The following GRID1 variants were observed in gnomAD, a reference collection of about 807,000 sequenced individuals.
GRID1 encodes glutamate ionotropic receptor delta type subunit 1, also known as glutamate receptor ionotropic, delta-1.
A neutral mutation model predicts 98.0 loss-of-function variants in GRID1; 28 were observed. That is an observed-to-expected ratio of 0.29 (90% CI 0.21 to 0.39). GRID1 has a LOEUF of 0.39. Ranked by LOEUF, GRID1 falls within the 10% of genes least tolerant of loss-of-function variation. The pLI, the probability that GRID1 is intolerant of heterozygous loss-of-function variation, is 1.00. For synonymous variants in GRID1, 553 were observed against 538.5 expected (o/e 1.03, Z -0.37); for missense variants, 1,111 against 1,340.5 (o/e 0.83, Z 2.67).
chr10:85,970,166 T>A (rs1842388471), intron 4 of GRID1, among the ~76,000 whole-genome samples: 2 of 152,078 alleles, frequency 1.3e-5, no homozygotes, highest in African/African-American at 4.8e-5. Flanking sequence ...AGAAATTGAA[T>A]TGGTAATTTT....
chr10:85,762,184 C>A (rs563595220), intron 8 of GRID1, among the ~76,000 whole-genome samples: 1 of 152,322 alleles, frequency 6.6e-6, no homozygotes, highest in Admixed American at 6.5e-5. Flanking sequence ...CCTTTCCCCA[C>A]TGTCTCCTGG....
intron 12 of GRID1, among the ~76,000 whole-genome samples, chr10:85,717,945 T>TG (rs1841658465): frequency 8.1e-6 from 1 of 123,202 alleles, no homozygotes; most frequent in African/African-American, 3.3e-5. Context: ...AAAATGATCT[T>TG]TGACTCCAGG....
At chr10:85,659,555 G>A (rs1208184696) in intron 12 of GRID1, among the ~76,000 whole-genome samples, 1 of 152,216 alleles carries the variant, frequency 6.6e-6, no homozygotes, top group Non-Finnish European at 1.5e-5. Flanking sequence ...GGGACAGCTG[G>A]AGGGAAAATA....
At chr10:86,098,394 C>T (rs1467558786) in intron 4 of GRID1, among the ~76,000 whole-genome samples, 1 of 152,218 alleles carries the variant, frequency 6.6e-6, no homozygotes, top group African/African-American at 2.4e-5. Flanking sequence ...AAGCACTCAT[C>T]GGTCCCTGCA....
intron 12 of GRID1, among the ~76,000 whole-genome samples, chr10:85,681,529 C>T (rs1360288489): frequency 2.6e-5 from 4 of 152,172 alleles, no homozygotes; most frequent in Non-Finnish European, 5.9e-5. Flanking sequence ...CGACCCGAGG[C>T]TTCCCCAGAG....
intron 8 of GRID1, among the ~76,000 whole-genome samples, chr10:85,755,664 T>C (rs1290371632): frequency 6.6e-6 from 1 of 152,168 alleles, no homozygotes; most frequent in East Asian, 1.9e-4. Context: ...CACTCTCACT[T>C]CTCAGCCCTT....
chr10:85,908,635 C>T (rs1035669647), intron 5 of GRID1, among the ~76,000 whole-genome samples: 1 of 152,158 alleles, frequency 6.6e-6, no homozygotes, highest in Non-Finnish European at 1.5e-5. Context: ...AGATTCACTG[C>T]AATCCCAAAT....
At chr10:86,328,215 G>A (rs1359315444) in intron 2 of GRID1, among the ~76,000 whole-genome samples, 3 of 152,248 alleles carry the variant, frequency 2.0e-5, no homozygotes, top group Non-Finnish European at 4.4e-5. Flanking sequence ...ATTCTGTTAT[G>A]TGTGTAGGTT....
rs1014333223 is a variant in GRID1 at position 85,973,273 on chromosome 10, T to A, written c.727-57034A>T. Among the ~76,000 whole-genome samples the A allele has an allele frequency of 9.8e-5, 15 of 152,352 alleles. No homozygotes were observed. The South Asian group carries it at 1.0e-3, about 11-fold the overall frequency. ...GTCTTTATAAAGAAGTTTTTACTTT[T>A]TGTACATTGGATCTATTTACTTTTT... On this transcript the variant is annotated intron_variant, in intron 4 of 15. Coordinates refer to ENST00000327946, the MANE Select transcript of GRID1 (RefSeq NM_017551.3).
intron 8 of GRID1, among the ~76,000 whole-genome samples, chr10:85,752,014 A>T (rs1842051058): frequency 6.6e-6 from 1 of 152,180 alleles, no homozygotes; most frequent in South Asian, 2.1e-4. Context: ...TTAGAGCCAC[A>T]TCTGCCTTCC....
intron 12 of GRID1, among the ~76,000 whole-genome samples, chr10:85,675,763 A>G (rs1841137940): frequency 6.6e-6 from 1 of 152,250 alleles, no homozygotes; most frequent in South Asian, 2.1e-4. Flanking sequence ...GTGTGACATT[A>G]ACCCACATAG....
intron 12 of GRID1, among the ~76,000 whole-genome samples, chr10:85,657,182 T>C (rs1840908435): frequency 6.6e-6 from 1 of 152,220 alleles, no homozygotes; most frequent in Non-Finnish European, 1.5e-5. Context: ...ACGCCTTTGC[T>C]GACAATCTTT....
chr10:86,362,605 C>T lies in GRID1; in HGVS notation c.235+1336G>A, dbSNP rs1449752353. ...GGACCTTCAGTCCCCAGAAGTAGTC[C>T]CCGGTCCCTGCCCCCAGAGCTGGCC... On this transcript the variant is annotated intron_variant, in intron 2 of 15. Transcript: ENST00000327946. Among the ~76,000 whole-genome samples, 5 of 152,144 alleles carry T rather than the reference C, an allele frequency of 3.3e-5. No homozygotes were observed. The East Asian group carries it at 7.7e-4, about 23-fold the overall frequency.
intron 12 of GRID1, among the ~76,000 whole-genome samples, chr10:85,674,328 C>T (rs1031578995): frequency 6.6e-6 from 1 of 152,088 alleles, no homozygotes; most frequent in Non-Finnish European, 1.5e-5. Context: ...CCCCTCAGAA[C>T]GGGTGCCCAA....
chr10:85,641,140 G>C (rs1843111518), intron 13 of GRID1, among the ~76,000 whole-genome samples: 1 of 152,142 alleles, frequency 6.6e-6, no homozygotes, highest in Non-Finnish European at 1.5e-5. Flanking sequence ...GGTGATCCAG[G>C]TCAGCCCTGG....
At chr10:85,632,413 AAC>A (rs1347597746) in intron 13 of GRID1, among the ~76,000 whole-genome samples, 1 of 152,198 alleles carries the variant, frequency 6.6e-6, no homozygotes, top group Non-Finnish European at 1.5e-5. Flanking sequence ...GGCATTTTAA[AAC>A]ACAGACTGCT....
chr10:86,260,010 T>C (rs935535843), intron 2 of GRID1, among the ~76,000 whole-genome samples: 28 of 152,346 alleles, frequency 1.8e-4, no homozygotes, highest in African/African-American at 6.0e-4. Context: ...CAAAAATCAG[T>C]CTCTTCTGAG....
chr10:85,725,057 C>A (rs1020215455), intron 10 of GRID1, among the ~76,000 whole-genome samples: 2 of 152,026 alleles, frequency 1.3e-5, no homozygotes, highest in Non-Finnish European at 2.9e-5. Flanking sequence ...CTTCTATCTT[C>A]TAGGCCTGTG....
At chr10:86,251,644 A>G (rs1340873512) in intron 2 of GRID1, among the ~76,000 whole-genome samples, 2 of 152,180 alleles carry the variant, frequency 1.3e-5, no homozygotes, top group Non-Finnish European at 2.9e-5. Flanking sequence ...AGGGAAGCTC[A>G]GAAGCTCCTC....
Sources: gnomAD v4.1 joint callset for allele counts (sites outside exome capture counted in the v4.1 genomes callset) on GRCh38, gnomAD v4.1.1 for gene constraint, MANE v1.5 for transcripts, NCBI Gene and HGNC (gene_info 2026-07-23, HGNC 2026-07-21) for gene names.